The following RALYL variants were observed in gnomAD, a reference collection of about 807,000 sequenced individuals.
RALYL encodes the protein RNA-binding Raly-like protein.
RALYL carries 29 observed loss-of-function variants against 35.1 expected under a neutral mutation model. The ratio of observed to expected loss-of-function variants is 0.83; its 90% CI spans 0.61 to 1.13. RALYL has a LOEUF of 1.13. RALYL is among the 50% of genes most tolerant of loss of function. RALYL has a pLI of 0.00. For missense variants in RALYL, 359 were observed against 360.4 expected (o/e 1.00, Z 0.03); for synonymous variants, 120 against 127.6 (o/e 0.94, Z 0.40).
intron 1 of RALYL, among the ~76,000 whole-genome samples, chr8:84,469,464 G>A (rs1225522137): frequency 6.6e-6 from 1 of 152,180 alleles, no homozygotes; most frequent in African/African-American, 2.4e-5. Flanking sequence ...CGGGTGTCAG[G>A]GGACAGGGAC....
chr8:84,676,105 G>C (rs1025408032), intron 2 of RALYL, among the ~76,000 whole-genome samples: 1 of 151,956 alleles, frequency 6.6e-6, no homozygotes, highest in Admixed American at 6.6e-5. Context: ...TGGAAAAAAT[G>C]GGAAAATAAA....
intron 4 of RALYL, among the ~76,000 whole-genome samples, chr8:84,843,561 C>G (rs571637296): frequency 5.3e-5 from 8 of 152,292 alleles, no homozygotes; most frequent in Non-Finnish European, 8.8e-5. Flanking sequence ...TTTACAGATT[C>G]AATGCCATCC....
intron 3 of RALYL, among the ~76,000 whole-genome samples, chr8:84,775,619 C>G (rs1489831659): frequency 1.3e-5 from 2 of 152,218 alleles, no homozygotes; most frequent in African/African-American, 4.8e-5. Context: ...AGTCACTTAA[C>G]ACTCTGGTCT....
At chr8:84,531,229 A>G (rs548194894) in intron 2 of RALYL, among the ~76,000 whole-genome samples, 1 of 152,324 alleles carries the variant, frequency 6.6e-6, no homozygotes, top group African/African-American at 2.4e-5. Flanking sequence ...GGAGAGTGTT[A>G]AGAATATTGT....
chr8:84,791,907 T>TC (rs996326878), intron 3 of RALYL, among the ~76,000 whole-genome samples: 5 of 152,064 alleles, frequency 3.3e-5, no homozygotes, highest in South Asian at 4.1e-4. Context: ...GTTCCCTGTT[T>TC]CCCCCCCGGC....
intron 1 of RALYL, among the ~76,000 whole-genome samples, chr8:84,342,414 G>A (rs1412965068): frequency 1.3e-5 from 2 of 149,506 alleles, no homozygotes; most frequent in Non-Finnish European, 3.0e-5. Context: ...TGATGTCTAT[G>A]GTTTTTATTT....
intron 4 of RALYL, among the ~76,000 whole-genome samples, chr8:84,847,425 T>A (rs1294700642): frequency 6.6e-6 from 1 of 152,172 alleles, no homozygotes; most frequent in African/African-American, 2.4e-5. Flanking sequence ...CTGTTGACTC[T>A]CAGTGTTTTC....
intron 4 of RALYL, among the ~76,000 whole-genome samples, chr8:84,828,140 T>C (rs1830101000): frequency 6.6e-6 from 1 of 152,166 alleles, no homozygotes; most frequent in Admixed American, 6.5e-5. Flanking sequence ...TACCTCTCTG[T>C]GTATTTAGAT....
At chr8:84,416,002 A>T (rs2044662326) in intron 1 of RALYL, among the ~76,000 whole-genome samples, 1 of 152,198 alleles carries the variant, frequency 6.6e-6, no homozygotes, top group South Asian at 2.1e-4. Context: ...GTGACGAAGG[A>T]TCATTTAAAG....
At chr8:84,500,202 G>A (rs116219899) in intron 1 of RALYL, among the ~76,000 whole-genome samples, 2,482 of 152,164 alleles carry the variant, frequency 0.016, 69 homozygotes, top group African/African-American at 0.056. Context: ...TGTTGCAAAT[G>A]GCTGCTTTTC....
chr8:84,432,639 T>C (rs905895803), intron 1 of RALYL, among the ~76,000 whole-genome samples: 2 of 152,082 alleles, frequency 1.3e-5, no homozygotes, highest in Non-Finnish European at 2.9e-5. Flanking sequence ...CTTGCTGATA[T>C]AATTAGTTAA....
intron 2 of RALYL, among the ~76,000 whole-genome samples, chr8:84,718,204 A>G (rs2132585513): frequency 6.6e-6 from 1 of 152,304 alleles, no homozygotes; most frequent in East Asian, 1.9e-4. Context: ...TACGTATTGA[A>G]TGAAAGCATA....
At chr8:84,817,198 G>A (rs1827529541) in intron 4 of RALYL, among the ~76,000 whole-genome samples, 1 of 151,940 alleles carries the variant, frequency 6.6e-6, no homozygotes, top group Admixed American at 6.6e-5. Context: ...TTTTCCTTGA[G>A]GTTTATTTTC....
intron 1 of RALYL, among the ~76,000 whole-genome samples, chr8:84,372,894 T>TGTTTTG (rs1563809065): frequency 8.0e-6 from 1 of 125,058 alleles, no homozygotes; most frequent in African/African-American, 3.1e-5. Flanking sequence ...CTGTTTTTTT[T>TGTTTTG]TTTTTTTTTT....
chr8:84,463,223 T>A (rs904218507), intron 1 of RALYL, among the ~76,000 whole-genome samples: 3 of 152,022 alleles, frequency 2.0e-5, no homozygotes, highest in Non-Finnish European at 2.9e-5. Context: ...CACTGTTTAC[T>A]CAGTTACAGA....
At chr8:84,741,863 C>T (rs1298869113) in intron 2 of RALYL, among the ~76,000 whole-genome samples, 1 of 151,880 alleles carries the variant, frequency 6.6e-6, no homozygotes, top group Admixed American at 6.6e-5. Flanking sequence ...ATACTGTTTT[C>T]ATTGTTAGTA....
At chr8:84,539,940 G>T (rs2059910558) in intron 2 of RALYL, among the ~76,000 whole-genome samples, 2 of 142,794 alleles carry the variant, frequency 1.4e-5, no homozygotes, top group South Asian at 4.5e-4. Flanking sequence ...ACACACACAT[G>T]CACATTTTAA....
At chr8:84,802,234 T>C (rs1044819496) in intron 3 of RALYL, among the ~76,000 whole-genome samples, 1 of 152,182 alleles carries the variant, frequency 6.6e-6, no homozygotes, top group African/African-American at 2.4e-5. Flanking sequence ...TTTTCATGTG[T>C]CACAAAATAT....
chr8:84,327,687 A>G (rs1178183751), intron 1 of RALYL, among the ~76,000 whole-genome samples: 2 of 152,062 alleles, frequency 1.3e-5, no homozygotes, highest in Non-Finnish European at 2.9e-5. Flanking sequence ...ACAGAAAAAA[A>G]AAAAAATTGC....
Sources: gnomAD v4.1 joint callset for allele counts (sites outside exome capture counted in the v4.1 genomes callset) on GRCh38, gnomAD v4.1.1 for gene constraint, MANE v1.5 for transcripts, NCBI Gene and HGNC (gene_info 2026-07-23, HGNC 2026-07-21) for gene names.